ARRB1: variants seen among roughly 807,000 people sequenced by gnomAD.
The protein encoded by ARRB1 is beta-arrestin-1.
In ARRB1, 21 loss-of-function variants were observed where a neutral mutation model predicts 56.8. The ratio of observed to expected loss-of-function variants is 0.37; its 90% CI spans 0.26 to 0.53. The LOEUF is 0.53. Ranked by LOEUF, ARRB1 falls within the 20% of genes least tolerant of loss-of-function variation. The pLI is 0.88. For missense variants in ARRB1, 424 were observed against 553.7 expected (o/e 0.77, Z 2.35); for synonymous variants, 210 against 218.6 (o/e 0.96, Z 0.35).
At chr11:75,272,454 C>T (rs1039332758) in intron 12 of ARRB1, among the ~76,000 whole-genome samples, 2 of 152,140 alleles carry the variant, frequency 1.3e-5, no homozygotes, top group Non-Finnish European at 2.9e-5. Flanking sequence ...ACTAGCAAAT[C>T]CCCAATCCAG....
At chr11:75,300,958 A>C (rs1158516037) in intron 1 of ARRB1, among the ~76,000 whole-genome samples, 17 of 119,936 alleles carry the variant, frequency 1.4e-4, no homozygotes, top group African/African-American at 6.0e-4. Flanking sequence ...ACAGAGCGAG[A>C]CTCCGTCTCA....
intron 10 of ARRB1, chr11:75,275,025 C>G (rs1372201735): frequency 6.6e-6 from 1 of 151,256 alleles, no homozygotes; most frequent in East Asian, 2.0e-4. Flanking sequence ...CACTTGAGCC[C>G]AGGAGTTCGA....
intron 1 of ARRB1, among the ~76,000 whole-genome samples, chr11:75,336,047 G>A (rs1947598240): frequency 6.6e-6 from 1 of 152,148 alleles, no homozygotes; most frequent in Non-Finnish European, 1.5e-5. Context: ...GAATGAGCCT[G>A]CAGCCCTGCT....
chr11:75,260,197 T>C lies in ARRB1; in HGVS notation c.*5966A>G, dbSNP rs1461738094. 3 of 152,240 alleles carry C rather than the reference T, an allele frequency of 2.0e-5. No individual in the cohort carries two copies. The highest frequency in any genetic ancestry group is 6.5e-5 in the Admixed American group (1 of 15,286). 9.4% of individuals were successfully genotyped at this position (152,240 alleles called of 1,614,324 possible). ...TCATTTGTTAGAGTTGAATGAACTA[T>C]AATAACTTGTCTGACATAATAAGAA... On this transcript the variant is annotated 3_prime_UTR_variant, in exon 16 of 16. Coordinates refer to ENST00000420843, the MANE Select transcript of ARRB1 (RefSeq NM_004041.5).
intron 1 of ARRB1, among the ~76,000 whole-genome samples, chr11:75,349,583 T>A (rs984126469): frequency 2.0e-5 from 3 of 152,116 alleles, no homozygotes; most frequent in Non-Finnish European, 2.9e-5. Flanking sequence ...GCTGAGTCAC[T>A]CCGATCACAA....
intron 2 of ARRB1, among the ~76,000 whole-genome samples, chr11:75,288,889 A>C (rs577673): frequency 0.55 from 83,090 of 152,132 alleles, 23,245 homozygotes; most frequent in Non-Finnish European, 0.61. Flanking sequence ...CACTGTGACC[A>C]GCCCTAAAAT....
intron 1 of ARRB1, among the ~76,000 whole-genome samples, chr11:75,316,991 G>A (rs971588518): frequency 4.6e-5 from 7 of 152,120 alleles, no homozygotes; most frequent in African/African-American, 9.7e-5. Context: ...GTTTGAACCC[G>A]GTAGGTGGAG....
intron 1 of ARRB1, among the ~76,000 whole-genome samples, chr11:75,296,078 C>T (rs1185149565): frequency 2.0e-5 from 3 of 148,550 alleles, no homozygotes; most frequent in Non-Finnish European, 4.4e-5. Context: ...CCCAGCTACT[C>T]AGGAGGCTGA....
intron 1 of ARRB1, among the ~76,000 whole-genome samples, chr11:75,304,210 A>G (rs189045035): frequency 6.6e-6 from 1 of 152,330 alleles, no homozygotes; most frequent in East Asian, 1.9e-4. Context: ...ATAGAATAAC[A>G]TATGTTAAAA....
intron 1 of ARRB1, among the ~76,000 whole-genome samples, chr11:75,328,740 C>T (rs1449325432): frequency 6.6e-6 from 1 of 152,250 alleles, no homozygotes; most frequent in African/African-American, 2.4e-5. Context: ...GGATGGGCTC[C>T]TGTCCAGCCA....
intron 1 of ARRB1, among the ~76,000 whole-genome samples, chr11:75,308,014 C>T (rs1947068556): frequency 6.6e-6 from 1 of 152,262 alleles, no homozygotes. Context: ...AGCACCCACT[C>T]CTGGCTAAAG....
At chr11:75,331,354 G>A (rs1354289404) in intron 1 of ARRB1, among the ~76,000 whole-genome samples, 1 of 152,030 alleles carries the variant, frequency 6.6e-6, no homozygotes, top group Non-Finnish European at 1.5e-5. Flanking sequence ...CCTGTCTAAG[G>A]GGTCTGGGGA....
At chr11:75,267,755 C>T (rs778151134) in intron 14 of ARRB1, 52 bp from the exon 15 acceptor site, 4 of 1,553,686 alleles carry the variant, frequency 2.6e-6, no homozygotes, top group Non-Finnish European at 3.5e-6. Flanking sequence ...AGTGGATGAG[C>T]ACGGGGCGAG....
intron 1 of ARRB1, among the ~76,000 whole-genome samples, chr11:75,323,466 A>G (rs2140497916): frequency 6.6e-6 from 1 of 152,184 alleles, no homozygotes; most frequent in South Asian, 2.1e-4. Context: ...CTAAAAATAC[A>G]AAAATTAGCC....
In ARRB1 at chr11:75,312,624, T is replaced by C. The variant is rs12225615; in HGVS notation, c.21-22585A>G. 1.1e-3 allele frequency among the ~76,000 whole-genome samples: 164 copies of C among 152,288 alleles called. 4 individuals are homozygous for C. In the East Asian group the frequency reaches 0.028, roughly 26 times the overall value. ...AGAAGAGATTCTGCAGATGTGATTT[T>C]GTTCAGGGCCTTGAGATGGAGAGAT... On this transcript the variant is annotated intron_variant, in intron 1 of 15. Coordinates refer to ENST00000420843, the MANE Select transcript of ARRB1 (RefSeq NM_004041.5).
chr11:75,280,134 G>A (rs1828076286), intron 7 of ARRB1, among the ~76,000 whole-genome samples: 1 of 152,142 alleles, frequency 6.6e-6, no homozygotes, highest in African/African-American at 2.4e-5. Context: ...GTGGTAGGGT[G>A]AGAGGGGTGG....
intron 3 of ARRB1, 31 bp downstream of exon 3, chr11:75,287,284 C>T (rs747921342): frequency 5.2e-5 from 81 of 1,545,708 alleles, no homozygotes; most frequent in Non-Finnish European, 6.7e-5. Flanking sequence ...ACATCTTCCC[C>T]CAGCCCTCCT....
chr11:75,277,534 T>C lies in ARRB1; in HGVS notation c.619-86A>G, dbSNP rs568377534. 1.8e-5 allele frequency: 23 copies of C among 1,248,420 alleles called. No homozygotes were observed. In the East Asian group the frequency reaches 5.1e-4, roughly 28 times the overall value. The allele number at this position is 1,248,420 out of a possible 1,614,324, so 77.3% of individuals were successfully genotyped here. A position where few individuals can be genotyped will look rare whatever the true frequency, so the allele number is the denominator to read the frequency against. On this transcript the variant is annotated intron_variant, in intron 8 of 15. Coordinates refer to ENST00000420843, the MANE Select transcript of ARRB1 (RefSeq NM_004041.5). ...GAGGGAGAAAAGCCCCCACGCGATC[T>C]TCTGGGGTTCCCCAGACCTTGCGCA...
chr11:75,329,079 G>A (rs1321646040), intron 1 of ARRB1, among the ~76,000 whole-genome samples: 1 of 147,666 alleles, frequency 6.8e-6, no homozygotes, highest in African/African-American at 2.5e-5. Flanking sequence ...ATTCCTTCCT[G>A]CTGTGTAACT....
Sources: gnomAD v4.1 joint callset for allele counts (sites outside exome capture counted in the v4.1 genomes callset) on GRCh38, gnomAD v4.1.1 for gene constraint, MANE v1.5 for transcripts, NCBI Gene and HGNC (gene_info 2026-07-23, HGNC 2026-07-21) for gene names.